The following UMOD variants were observed in gnomAD, a reference collection of about 807,000 sequenced individuals.
UMOD encodes uromodulin, also known as Tamm-Horsfall urinary glycoprotein.
In UMOD, 64 loss-of-function variants were observed where a neutral mutation model predicts 66.0. The observed-to-expected ratio is 0.97, with a 90% CI of 0.79 to 1.19. The LOEUF (loss-of-function observed/expected upper bound fraction) is 1.19, where lower values mean the gene tolerates loss of function less well. Among genes scored for constraint, UMOD ranks in the 50% most tolerant of loss-of-function variants. UMOD has a pLI of 0.00. For synonymous variants in UMOD, 398 were observed against 352.7 expected (o/e 1.13, Z -1.44); for missense variants, 764 against 850.9 (o/e 0.90, Z 1.27).
chr16:20,344,138 A>T lies in UMOD; in HGVS notation c.1217T>A (p.Leu406His), dbSNP rs1596552293. 1.5e-6 allele frequency: 2 copies of T among 1,366,936 alleles called. No individual in the cohort carries two copies. The highest frequency in any genetic ancestry group is 4.1e-5 in the Admixed American group (2 of 48,754). 84.7% of individuals were successfully genotyped at this position (1,366,936 alleles called of 1,614,324 possible). A position where few individuals can be genotyped will look rare whatever the true frequency, so the allele number is the denominator to read the frequency against. Residue 406 changes from leucine to histidine, a missense_variant, in exon 6 of 11, where the codon CTC becomes CAC. Transcript: ENST00000396138. ...GATGATGATCTCATCTGCCAGGTAGAGGGTGTTGCTGTAAGTGGCATGGGT... is the reference window on the plus strand; with the variant it reads ...GATGATGATCTCATCTGCCAGGTAGTGGGTGTTGCTGTAAGTGGCATGGGT... The part of the protein sequence containing the change: ...NETHATYSNT[L>H]YLADEIIIRD...
At chr16:20,355,887 G>GAT (rs1438418785), upstream of UMOD, among the ~76,000 whole-genome samples, 1 of 152,130 alleles carries the variant, frequency 6.6e-6, no homozygotes, top group Non-Finnish European at 1.5e-5. Flanking sequence ...CAGAGAGGTG[G>GAT]AGTAACTCCC....
chr16:20,355,448 G>T (rs1301314341), upstream of UMOD, among the ~76,000 whole-genome samples: 1 of 147,736 alleles, frequency 6.8e-6, no homozygotes, highest in Non-Finnish European at 1.5e-5. Flanking sequence ...CTGTCACCCA[G>T]GTTGGAGTGC....
In UMOD at chr16:20,346,126, C is replaced by T. The variant is rs770357364; in HGVS notation, c.1182G>A (p.Thr394=). The change falls in exon 5 of 11, where the codon ACG becomes ACA. Residue 394 remains threonine (T), a splice_region_variant and synonymous_variant. Coordinates refer to ENST00000396138, the MANE Select transcript of UMOD (RefSeq NM_003361.4). ...CTGTCCCCCACTGGCCAGGACGTAC[C>T]GTCAACACTGTCCCACAGGGGCCAT... is the stretch of plus-strand genomic sequence containing the variant. ...ARDGPCGTVL[T]RNETHATYSN... 8.1e-6 allele frequency: 13 copies of T among 1,613,470 alleles called. No homozygotes were observed. Among genetic ancestry groups the T allele is most frequent in the African/African-American group, 1.3e-5 (1 of 74,930 alleles).
chr16:20,334,207 A>C (rs1178939735), intron 10 of UMOD, among the ~76,000 whole-genome samples: 1 of 152,160 alleles, frequency 6.6e-6, no homozygotes, highest in Non-Finnish European at 1.5e-5. Context: ...AGAAAAAGCA[A>C]AGAAGCAGAG....
At position 20,349,150 on chromosome 16, in the gene UMOD, T is replaced by C; in HGVS notation, c.151A>G (p.Thr51Ala). The C allele has an allele frequency of 6.2e-7, 1 of 1,614,094 alleles. No individual in the cohort carries two copies. The highest frequency in any genetic ancestry group is 8.5e-7 in the Non-Finnish European group (1 of 1,180,036). The change falls in exon 3 of 11, where the codon ACC becomes GCC. Residue 51 changes from threonine (T) to alanine (A), a missense_variant. Coordinates refer to ENST00000396138, the MANE Select transcript of UMOD (RefSeq NM_003361.4). ...TCGCCGGTGAAGCCCTCCTGACAGG[T>C]GCACGTCGTAACGGCCTCATCCTCC... ...CTEDEAVTTC[T>A]CQEGFTGDGL...
intron 4 of UMOD, among the ~76,000 whole-genome samples, chr16:20,346,776 T>C (rs1182351071): frequency 6.6e-6 from 1 of 151,912 alleles, no homozygotes; most frequent in Admixed American, 6.6e-5. Context: ...ACAGTAGTAA[T>C]AGTAGCCAAA....
intron 7 of UMOD, among the ~76,000 whole-genome samples, chr16:20,338,630 A>C (rs1175499902): frequency 6.6e-6 from 1 of 150,626 alleles, no homozygotes; most frequent in African/African-American, 2.5e-5. Context: ...AGTAGCTAGG[A>C]TTACAGGTGT....
intron 10 of UMOD, among the ~76,000 whole-genome samples, chr16:20,334,002 C>G (rs1964735477): frequency 6.9e-6 from 1 of 143,982 alleles, no homozygotes; most frequent in Non-Finnish European, 1.5e-5. Flanking sequence ...CCACTGCACT[C>G]CAGCCTGGGT....
chr16:20,354,689 T>A (rs1010167458), upstream of UMOD, among the ~76,000 whole-genome samples: 2 of 152,060 alleles, frequency 1.3e-5, no homozygotes, highest in Admixed American at 6.6e-5. Context: ...GGAGTTTGGG[T>A]TGGAATCTAT....
Position 20,333,070 on chromosome 16 carries a change from T to C in UMOD, c.*244A>G. 2.0e-6 allele frequency: 1 copy of C among 512,484 alleles called. No homozygotes were observed. Among genetic ancestry groups the C allele is most frequent in the Non-Finnish European group, 3.6e-6 (1 of 277,740 alleles). The allele number at this position is 512,484 out of a possible 1,614,324, so 31.7% of individuals were successfully genotyped here. A position where few individuals can be genotyped will look rare whatever the true frequency, so the allele number is the denominator to read the frequency against. On this transcript the variant is annotated 3_prime_UTR_variant, in exon 11 of 11. Coordinates refer to ENST00000396138, the MANE Select transcript of UMOD (RefSeq NM_003361.4). ...AAAGACTGAGATTTAAAAATCATTATTTTGCCACACTCTTTAAGGAGATGG... is the reference window on the plus strand; with the variant it reads ...AAAGACTGAGATTTAAAAATCATTACTTTGCCACACTCTTTAAGGAGATGG...
At chr16:20,342,751 C>T (rs1253057537) in intron 6 of UMOD, among the ~76,000 whole-genome samples, 2 of 152,190 alleles carry the variant, frequency 1.3e-5, no homozygotes, top group Non-Finnish European at 2.9e-5. Flanking sequence ...ATACCTTTAT[C>T]TCCTAGGGCT....
At chr16:20,349,296 C>A in intron 2 of UMOD, 84 bp from the exon 3 acceptor site, 1 of 1,466,690 alleles carries the variant, frequency 6.8e-7, no homozygotes, top group Non-Finnish European at 9.3e-7. Flanking sequence ...CTCCAGGGAA[C>A]TCATTATTTT....
At chr16:20,347,387 C>T (rs774244652) in intron 4 of UMOD, among the ~76,000 whole-genome samples, 6 of 152,160 alleles carry the variant, frequency 3.9e-5, no homozygotes, top group Non-Finnish European at 5.9e-5. Flanking sequence ...GAAACAACAT[C>T]CAGCCAGAAT....
At chr16:20,344,198 G>C (rs368831760) in intron 5 of UMOD, 26 bp from the exon 6 acceptor site, 14 of 1,484,884 alleles carry the variant, frequency 9.4e-6, no homozygotes, top group South Asian at 1.1e-5. Flanking sequence ...GGGGTGGAGG[G>C]GGGGTGGGGA....
chr16:20,342,091 T>C (rs774405594), intron 6 of UMOD, among the ~76,000 whole-genome samples: 4 of 152,214 alleles, frequency 2.6e-5, no homozygotes, highest in Non-Finnish European at 5.9e-5. Flanking sequence ...ACGCCTGTAA[T>C]CCCAATACTT....
At chr16:20,333,482 C>G (rs538686677) in intron 10 of UMOD, 107 bp from the exon 11 acceptor site, 2 of 1,023,350 alleles carry the variant, frequency 2.0e-6, no homozygotes, top group South Asian at 2.7e-5. Flanking sequence ...GACACCCTCT[C>G]TGGGCTGCTC....
At chr16:20,350,929 C>A in intron 1 of UMOD, 90 bp from the exon 2 acceptor site, 1 of 1,339,984 alleles carries the variant, frequency 7.5e-7, no homozygotes, top group Non-Finnish European at 1.0e-6. Context: ...TATACAACTC[C>A]AGGAGGTGTC....
chr16:20,348,361 A>G, intron 3 of UMOD, 31 bp from the exon 4 acceptor site: 1 of 1,614,170 alleles, frequency 6.2e-7, no homozygotes. Context: ...ACAGACAATC[A>G]ATAAGGACGC....
rs891901312 is a variant in UMOD at position 20,346,192 on chromosome 16, T to C, written c.1116A>G (p.Arg372=). 6.2e-7 allele frequency: 1 copy of C among 1,614,114 alleles called. No homozygotes were observed. The highest frequency in any genetic ancestry group is 8.5e-7 in the Non-Finnish European group (1 of 1,180,060). Residue 372 remains arginine (R), a synonymous_variant, in exon 5 of 11, where the codon AGA becomes AGG. Coordinates refer to ENST00000396138, the MANE Select transcript of UMOD (RefSeq NM_003361.4). The part of the protein sequence containing the change: ...SDSRCSGFND[R]DNRDWVSVVT... ...CTACAGACACCCAGTCCCGGTTGTC[T>C]CTGTCATTGAAGCCCGAGCACCGGC...
Sources: gnomAD v4.1 joint callset for allele counts (sites outside exome capture counted in the v4.1 genomes callset) on GRCh38, gnomAD v4.1.1 for gene constraint, MANE v1.5 for transcripts, NCBI Gene and HGNC (gene_info 2026-07-23, HGNC 2026-07-21) for gene names.